SLC2A13: variants seen among roughly 807,000 people sequenced by gnomAD.
The protein encoded by SLC2A13 is proton myo-inositol cotransporter.
In SLC2A13, 32 loss-of-function variants were observed where a neutral mutation model predicts 64.4. That is an observed-to-expected ratio of 0.50 (90% CI 0.37 to 0.67). The LOEUF (loss-of-function observed/expected upper bound fraction) is 0.67. SLC2A13 is among the 30% of genes least tolerant of loss of function. The pLI is 0.00. For synonymous variants in SLC2A13, 338 were observed against 327.1 expected, an observed-to-expected ratio of 1.03 and a Z score of -0.36; for missense variants, 743 against 829.2, an observed-to-expected ratio of 0.90 and a Z score of 1.28.
chr12:39,803,661 C>G (rs1260109106), intron 7 of SLC2A13, among the ~76,000 whole-genome samples: 1 of 151,952 alleles, frequency 6.6e-6, no homozygotes, highest in African/African-American at 2.4e-5. Flanking sequence ...AAGCAGTGAA[C>G]TGGATGAATG....
At chr12:39,829,785 G>A (rs4768189) in intron 7 of SLC2A13, 193,188 of 298,592 alleles carry the variant, frequency 0.65, 64,040 homozygotes, top group African/African-American at 0.79. Flanking sequence ...GAAATACAGT[G>A]CAATTAAACA....
chr12:39,952,677 GTCAT>G (rs934876583), intron 3 of SLC2A13, among the ~76,000 whole-genome samples: 1 of 152,140 alleles, frequency 6.6e-6, no homozygotes, highest in Non-Finnish European at 1.5e-5. Flanking sequence ...AGCGTTGATG[GTCAT>G]TCAAAGCTAA....
At chr12:39,977,975 T>A (rs557149928) in intron 3 of SLC2A13, among the ~76,000 whole-genome samples, 2 of 152,322 alleles carry the variant, frequency 1.3e-5, no homozygotes, top group East Asian at 1.9e-4. Flanking sequence ...GAGGCCTGTG[T>A]ATTTCACGTG....
At chr12:39,964,527 A>G (rs73092285) in intron 3 of SLC2A13, among the ~76,000 whole-genome samples, 4,249 of 152,314 alleles carry the variant, frequency 0.028, 188 homozygotes, top group African/African-American at 0.093. Flanking sequence ...TGGGAAAAGG[A>G]GGAGGACATA....
intron 4 of SLC2A13, among the ~76,000 whole-genome samples, chr12:39,928,708 T>C (rs556678432): frequency 6.6e-6 from 1 of 152,280 alleles, no homozygotes; most frequent in African/African-American, 2.4e-5. Context: ...TTAAAGTTTG[T>C]ATGCAAGGAT....
intron 1 of SLC2A13, among the ~76,000 whole-genome samples, chr12:40,067,773 TTC>T (rs1937791367): frequency 6.6e-6 from 1 of 152,200 alleles, no homozygotes; most frequent in Admixed American, 6.5e-5. Context: ...TGCACGTTTC[TTC>T]TCTCTCCCCA....
chr12:39,856,497 T>G (rs1338586372), intron 6 of SLC2A13, among the ~76,000 whole-genome samples: 2 of 152,204 alleles, frequency 1.3e-5, no homozygotes, highest in Non-Finnish European at 2.9e-5. Flanking sequence ...GCCTCCCTAG[T>G]AGCTGGGACT....
At chr12:40,104,071 A>G (rs1939225042) in intron 1 of SLC2A13, among the ~76,000 whole-genome samples, 1 of 152,204 alleles carries the variant, frequency 6.6e-6, no homozygotes, top group South Asian at 2.1e-4. Flanking sequence ...ACCCACAGAG[A>G]AAGGGTGAAA....
intron 3 of SLC2A13, among the ~76,000 whole-genome samples, chr12:39,961,912 A>T (rs954786645): frequency 1.3e-4 from 19 of 151,944 alleles, no homozygotes; most frequent in Non-Finnish European, 1.5e-4. Context: ...CAATCCTCCC[A>T]CCTCAACCTC....
chr12:40,021,392 C>T (rs1003256697), intron 3 of SLC2A13, among the ~76,000 whole-genome samples: 1 of 152,162 alleles, frequency 6.6e-6, no homozygotes, highest in Non-Finnish European at 1.5e-5. Flanking sequence ...AATAGTGTTT[C>T]TTTTAAGTAA....
chr12:39,919,173 T>C (rs1397848737), intron 4 of SLC2A13, among the ~76,000 whole-genome samples: 3 of 152,124 alleles, frequency 2.0e-5, no homozygotes, highest in Admixed American at 6.5e-5. Flanking sequence ...CTTGAACTCC[T>C]GGGCCTCGGT....
At chr12:40,007,472 A>T (rs1278725840) in intron 3 of SLC2A13, among the ~76,000 whole-genome samples, 1 of 149,754 alleles carries the variant, frequency 6.7e-6, no homozygotes, top group African/African-American at 2.5e-5. Flanking sequence ...TTTATTTACA[A>T]TTGCTGCTGA....
chr12:40,047,256 G>A (rs917296466), intron 2 of SLC2A13, among the ~76,000 whole-genome samples: 2 of 152,110 alleles, frequency 1.3e-5, no homozygotes, highest in Non-Finnish European at 2.9e-5. Flanking sequence ...TAAAAGCCAT[G>A]CAAACAAGGG....
At chr12:39,975,794 T>G (rs1450768028) in intron 3 of SLC2A13, among the ~76,000 whole-genome samples, 1 of 152,188 alleles carries the variant, frequency 6.6e-6, no homozygotes, top group Non-Finnish European at 1.5e-5. Flanking sequence ...TTAACATGCA[T>G]CACAAATGGA....
intron 4 of SLC2A13, among the ~76,000 whole-genome samples, chr12:39,904,693 A>G (rs1381383924): frequency 1.3e-5 from 2 of 152,124 alleles, no homozygotes; most frequent in Non-Finnish European, 2.9e-5. Flanking sequence ...CTGTCCTTAT[A>G]TGCCCTGCTT....
At chr12:39,991,086 A>G (rs1947130960) in intron 3 of SLC2A13, among the ~76,000 whole-genome samples, 1 of 152,112 alleles carries the variant, frequency 6.6e-6, no homozygotes, top group African/African-American at 2.4e-5. Context: ...GCAGACAGTT[A>G]TCTTGTTCCT....
chr12:39,963,584 A>T (rs1254777176), intron 3 of SLC2A13, among the ~76,000 whole-genome samples: 1 of 152,192 alleles, frequency 6.6e-6, no homozygotes, highest in East Asian at 1.9e-4. Flanking sequence ...TCTTACAACT[A>T]CATTTAAATC....
intron 3 of SLC2A13, among the ~76,000 whole-genome samples, chr12:39,964,616 T>C (rs939329042): frequency 1.3e-5 from 2 of 152,208 alleles, no homozygotes; most frequent in Non-Finnish European, 2.9e-5. Flanking sequence ...GGAACATAAC[T>C]GACAGAGCCT....
chr12:40,034,380 T>A (rs1478467106), intron 2 of SLC2A13, among the ~76,000 whole-genome samples: 1 of 152,190 alleles, frequency 6.6e-6, no homozygotes, highest in Non-Finnish European at 1.5e-5. Context: ...CACCTCATAC[T>A]TTTTAGTCAC....
Sources: allele counts gnomAD v4.1 joint callset (sites outside exome capture counted in the v4.1 genomes callset), GRCh38; gene constraint gnomAD v4.1.1; transcripts MANE v1.5; gene names NCBI Gene and HGNC (gene_info 2026-07-23, HGNC 2026-07-21).